The following BAZ2A variants were observed in gnomAD, a reference collection of about 807,000 sequenced individuals.
The protein encoded by BAZ2A is bromodomain adjacent to zinc finger domain protein 2A.
BAZ2A carries 34 observed loss-of-function variants against 199.9 expected under a neutral mutation model. The observed-to-expected ratio is 0.17, with a 90% confidence interval of 0.13 to 0.23. The LOEUF (loss-of-function observed/expected upper bound fraction) is 0.23. Among genes scored for constraint, BAZ2A ranks in the 10% least tolerant of loss-of-function variants. The pLI is 1.00. For synonymous variants in BAZ2A, 857 were observed against 883.9 expected, an observed-to-expected ratio of 0.97 and a Z score of 0.54; for missense variants, 2,002 against 2,391.1, an observed-to-expected ratio of 0.84 and a Z score of 3.39.
At chr12:56,624,054 G>A (rs919517209) in intron 1 of BAZ2A, among the ~76,000 whole-genome samples, 4 of 150,816 alleles carry the variant, frequency 2.7e-5, no homozygotes, top group Non-Finnish European at 5.9e-5. Flanking sequence ...AGACTGGCCT[G>A]CGCAACACAG....
chr12:56,610,620 G>A (rs985322003), intron 7 of BAZ2A, 103 bp from the exon 8 acceptor site: 29 of 990,066 alleles, frequency 2.9e-5, no homozygotes, highest in African/African-American at 2.9e-4. Flanking sequence ...CCCCACATTT[G>A]TATCTCTAGA....
chr12:56,638,072 C>T (rs1951483843), upstream of BAZ2A: 1 of 390,728 alleles, frequency 2.6e-6, no homozygotes, highest in Non-Finnish European at 4.6e-6. Flanking sequence ...GAGTTAGAGA[C>T]CAGTCTTGGC....
intron 2 of BAZ2A, among the ~76,000 whole-genome samples, chr12:56,616,459 C>T (rs1950725968): frequency 6.6e-6 from 1 of 152,156 alleles, no homozygotes; most frequent in African/African-American, 2.4e-5. Context: ...GACAAGAACC[C>T]AGCTCAGAAG....
chr12:56,608,157 G>A (rs1306970048), intron 10 of BAZ2A, among the ~76,000 whole-genome samples: 1 of 151,856 alleles, frequency 6.6e-6, no homozygotes, highest in Non-Finnish European at 1.5e-5. Context: ...CGGATCACGA[G>A]GTCAGGAGAT....
intron 10 of BAZ2A, among the ~76,000 whole-genome samples, chr12:56,608,846 G>T (rs557264032): frequency 2.0e-5 from 3 of 150,134 alleles, no homozygotes; most frequent in Non-Finnish European, 4.4e-5. Flanking sequence ...TGGGATTACA[G>T]GCGTGAGCCA....
chr12:56,605,043 C>A, intron 14 of BAZ2A, 30 bp downstream of exon 14: 1 of 1,554,660 alleles, frequency 6.4e-7, no homozygotes, highest in Non-Finnish European at 8.7e-7. Context: ...TTTACTTGTC[C>A]TGGTTACTTT....
rs1382377022 is a variant in BAZ2A at position 56,601,222 on chromosome 12, G to A, written c.4252C>T (p.Gln1418Ter). 1 of 1,613,942 alleles carries A rather than the reference G, an allele frequency of 6.2e-7. No individual in the cohort carries two copies. Among genetic ancestry groups the A allele is most frequent in the African/African-American group, 1.3e-5 (1 of 74,950 alleles). Residue 1418 changes from glutamine (Q) to a stop codon, truncating the protein, a stop_gained, in exon 21 of 29, where the codon CAG becomes TAG. Transcript: ENST00000549884. LOFTEE classifies it high-confidence loss of function. ...GCTGTCAGCTGGGTTAGGTAACGCT[G>A]TTCCATCTGTTTGAAGAACTTACTG... is the stretch of plus-strand genomic sequence containing the variant. ...PPSKFFKQME[Q>*]RYLTQLTAQP...
upstream of BAZ2A, among the ~76,000 whole-genome samples, chr12:56,632,361 C>T (rs572623279): frequency 2.0e-5 from 3 of 152,266 alleles, no homozygotes; most frequent in African/African-American, 4.8e-5. Context: ...CTTCCCTGCC[C>T]TTTTCCAGAG....
upstream of BAZ2A, chr12:56,630,980 G>T: frequency 1.8e-6 from 1 of 544,366 alleles, no homozygotes; most frequent in Non-Finnish European, 2.3e-6. Context: ...GCAAAAAGAT[G>T]CCACAAATGT....
At chr12:56,603,215 C>T in intron 18 of BAZ2A, 144 bp downstream of exon 18, 2 of 933,884 alleles carry the variant, frequency 2.1e-6, no homozygotes. Flanking sequence ...CTGCAGTGAG[C>T]CATGATCGTG....
At chr12:56,616,706 G>A (rs1950734860) in intron 2 of BAZ2A, among the ~76,000 whole-genome samples, 1 of 152,202 alleles carries the variant, frequency 6.6e-6, no homozygotes, top group African/African-American at 2.4e-5. Context: ...GGAGGGAGAA[G>A]TAGCAGGATT....
At position 56,598,708 on chromosome 12, in the gene BAZ2A, G is replaced by A. The variant is rs751981678; in HGVS notation, c.5622C>T (p.Asp1874=). The change falls in exon 29 of 29, where the codon GAC becomes GAT. Residue 1874 remains aspartate (D), a synonymous_variant. Coordinates refer to ENST00000549884, the MANE Select transcript of BAZ2A (RefSeq NM_001300905.2). ...FDNCQTFNED[D]SEVGKAGHIM... Reference sequence around the variant, plus strand: ...TGTGCCCAGCCTTGCCTACTTCAGAGTCATCCTCGTTGAAAGTCTGGCAGT... The same window carrying A: ...TGTGCCCAGCCTTGCCTACTTCAGAATCATCCTCGTTGAAAGTCTGGCAGT... 6.2e-6 allele frequency: 10 copies of A among 1,613,548 alleles called. No homozygotes were observed. The highest frequency in any genetic ancestry group is 8.5e-6 in the Non-Finnish European group (10 of 1,179,790).
Position 56,612,113 on chromosome 12 carries a change from G to C in BAZ2A, c.1269C>G (p.Thr423=). The part of the protein sequence containing the change: ...QSSTIQLHPA[T]SPAVSPTTSP... The stretch of plus-strand genomic sequence containing the variant: ...AGGTTGTTGGCGAGACTGCTGGTGA[G>C]GTTGCTGGATGTAGCTGAATAGTGG... The change falls in exon 6 of 29, where the codon ACC becomes ACG. Residue 423 remains threonine, a synonymous_variant. Coordinates refer to ENST00000549884, the MANE Select transcript of BAZ2A (RefSeq NM_001300905.2). 6.2e-7 allele frequency: 1 copy of C among 1,613,968 alleles called. No homozygotes were observed. The highest frequency in any genetic ancestry group is 8.5e-7 in the Non-Finnish European group (1 of 1,179,890).
rs1168096818 is a variant in BAZ2A, at chr12:56,635,388, G to C, written c.4+794C>G. Among the ~76,000 whole-genome samples, 5 of 152,090 alleles carry C rather than the reference G, an allele frequency of 3.3e-5. No individual in the cohort carries two copies. Among genetic ancestry groups the C allele is most frequent in the African/African-American group, 1.2e-4 (5 of 41,408 alleles). On this transcript the variant is annotated intron_variant, in intron 1 of 29. Coordinates refer to the BAZ2A transcript ENST00000379441. This position sits in a 1 kb window ranked among gnomAD's most constrained non-coding sequence, Gnocchi z 4.1. ...CTAGGAGGCCTAGGGGTGCAGGAGA[G>C]GGAACTCAAGGCCGAGCCTGCTGGG...
rs1435702534 is a variant in BAZ2A at position 56,635,654 on chromosome 12, C to T, written c.4+528G>A. On this transcript the variant is annotated intron_variant, in intron 1 of 29. Transcript: ENST00000379441. This position sits in a 1 kb window ranked among gnomAD's most constrained non-coding sequence, Gnocchi z 4.1. ...GAGAATCGACTTTGGTTCAGTTTTC[C>T]CCCAACCACCACCACCCTTGCTTCA... Among the ~76,000 whole-genome samples the T allele has an allele frequency of 1.3e-5, 2 of 152,088 alleles. No individual in the cohort carries two copies. Among genetic ancestry groups the T allele is most frequent in the South Asian group, 2.1e-4 (1 of 4,836 alleles).
chr12:56,612,963 C>A, intron 5 of BAZ2A, 52 bp downstream of exon 5: 1 of 1,533,930 alleles, frequency 6.5e-7, no homozygotes, highest in South Asian at 1.1e-5. Flanking sequence ...AACTTATTCT[C>A]TCATCTTTTC....
upstream of BAZ2A, among the ~76,000 whole-genome samples, chr12:56,637,022 C>G (rs1389966774): frequency 6.6e-6 from 1 of 152,256 alleles, no homozygotes; most frequent in Non-Finnish European, 1.5e-5. Flanking sequence ...CCCCGCCCAG[C>G]TTCTACCTAA....
intron 26 of BAZ2A, 126 bp downstream of exon 26, chr12:56,599,576 T>C: frequency 1.4e-6 from 2 of 1,401,462 alleles, no homozygotes; most frequent in Non-Finnish European, 9.6e-7. Flanking sequence ...AAGTGACTTG[T>C]CCAAAAAAGG....
Position 56,600,702 on chromosome 12 carries a change from G to A in BAZ2A, c.4581C>T (p.Ile1527=). ...QWVEELEQRV[I]MSDLQIRGWT... The stretch of plus-strand genomic sequence containing the variant: ...ATACCCGAATCTGCAGATCAGACAT[G>A]ATAACCCGCTGCTCCAGCTCCTCTA... Residue 1527 remains isoleucine (I), a synonymous_variant, in exon 23 of 29, where the codon ATC becomes ATT. Transcript: ENST00000549884. 7 of 1,613,254 alleles carry A rather than the reference G, an allele frequency of 4.3e-6. No individual in the cohort carries two copies. Among genetic ancestry groups the A allele is most frequent in the Non-Finnish European group, 5.1e-6 (6 of 1,179,818 alleles).
Sources: allele counts gnomAD v4.1 joint callset (sites outside exome capture counted in the v4.1 genomes callset), GRCh38; gene constraint gnomAD v4.1.1; non-coding constraint Gnocchi (gnomAD v3.1); transcripts MANE v1.5; gene names NCBI Gene and HGNC (gene_info 2026-07-23, HGNC 2026-07-21).